GRM7: variants seen among roughly 807,000 people sequenced by gnomAD.
GRM7 encodes glutamate metabotropic receptor 7, also known as metabotropic glutamate receptor 7.
Under a neutral mutation model 84.5 loss-of-function variants are expected in GRM7, and 35 were observed. That is an observed-to-expected ratio of 0.41 (90% CI 0.32 to 0.55). The LOEUF is 0.55. Ranked by LOEUF, GRM7 falls within the 20% of genes least tolerant of loss-of-function variation. The pLI is 0.19. For synonymous variants in GRM7, 487 were observed against 455.1 expected (o/e 1.07, Z -0.89); for missense variants, 1,003 against 1,194.6 (o/e 0.84, Z 2.36).
chr3:7,341,685 G>T (rs898455194), intron 4 of GRM7, among the ~76,000 whole-genome samples: 3 of 152,094 alleles, frequency 2.0e-5, no homozygotes, highest in Non-Finnish European at 4.4e-5. Context: ...AGTTACAGAA[G>T]ATACTTATAG....
chr3:7,480,029 C>T (rs1217897655), intron 7 of GRM7, among the ~76,000 whole-genome samples: 1 of 152,104 alleles, frequency 6.6e-6, no homozygotes, highest in Non-Finnish European at 1.5e-5. Context: ...ACTTGTCAGA[C>T]AAAGATGCAG....
At chr3:7,456,135 T>A (rs1156441602) in intron 6 of GRM7, among the ~76,000 whole-genome samples, 1 of 152,024 alleles carries the variant, frequency 6.6e-6, no homozygotes, top group Non-Finnish European at 1.5e-5. Flanking sequence ...GCATCATATT[T>A]CATTTGCTGA....
At chr3:7,455,023 C>T (rs1042515307) in intron 6 of GRM7, among the ~76,000 whole-genome samples, 1 of 152,086 alleles carries the variant, frequency 6.6e-6, no homozygotes, top group Non-Finnish European at 1.5e-5. Context: ...TGGAGACATG[C>T]TGTACCAGAA....
chr3:7,369,256 G>A (rs1406359447), intron 4 of GRM7, among the ~76,000 whole-genome samples: 2 of 152,012 alleles, frequency 1.3e-5, no homozygotes, highest in Non-Finnish European at 2.9e-5. Flanking sequence ...ATCTCATTAT[G>A]TTTTCCAAGC....
chr3:7,333,447 C>T (rs1262716524), intron 4 of GRM7, among the ~76,000 whole-genome samples: 1 of 152,212 alleles, frequency 6.6e-6, no homozygotes, highest in Non-Finnish European at 1.5e-5. Flanking sequence ...GAAAGCACCA[C>T]ATCGAGGGAT....
chr3:7,644,579 T>C lies in GRM7; in HGVS notation c.2452-35470T>C, dbSNP rs370477630. Reference sequence around the variant, plus strand: ...AAAAATGTTATTCCTCAATCTTTATTCCTCACCATGCTGAAGACTGTAACA... The same window carrying C: ...AAAAATGTTATTCCTCAATCTTTATCCCTCACCATGCTGAAGACTGTAACA... On this transcript the variant is annotated intron_variant, in intron 8 of 9. Transcript: ENST00000357716. Among the ~76,000 whole-genome samples, 19 of 152,340 alleles carry C rather than the reference T, an allele frequency of 1.2e-4. 1 individual carries two copies. The East Asian group carries it at 3.5e-3, about 28-fold the overall frequency.
chr3:7,013,538 CAT>C (rs1407132091), intron 1 of GRM7, among the ~76,000 whole-genome samples: 1 of 152,198 alleles, frequency 6.6e-6, no homozygotes, highest in African/African-American at 2.4e-5. Context: ...TCAACGTTCA[CAT>C]ATTCTTAATG....
chr3:6,943,159 ATCT>A (rs1363452285), intron 1 of GRM7, among the ~76,000 whole-genome samples: 60 of 151,900 alleles, frequency 3.9e-4, no homozygotes, highest in Admixed American at 6.6e-4. Context: ...CTGGCAGCAT[ATCT>A]TTTTGTTTTC....
intron 1 of GRM7, among the ~76,000 whole-genome samples, chr3:7,136,606 G>T (rs981241025): frequency 7.9e-5 from 12 of 152,060 alleles, no homozygotes; most frequent in Admixed American, 3.3e-4. Context: ...GCCCATCAGA[G>T]ACCTACCCAG....
chr3:7,082,998 A>C (rs1698321256), intron 1 of GRM7, among the ~76,000 whole-genome samples: 1 of 152,226 alleles, frequency 6.6e-6, no homozygotes, highest in African/African-American at 2.4e-5. Flanking sequence ...TGCTACGAAC[A>C]TTGTTGAAAT....
intron 4 of GRM7, among the ~76,000 whole-genome samples, chr3:7,406,255 C>T (rs971803775): frequency 6.6e-6 from 1 of 151,978 alleles, no homozygotes; most frequent in African/African-American, 2.4e-5. Flanking sequence ...AATCCCAGCA[C>T]TTTGGGAGGC....
At chr3:6,960,228 C>T (rs575359916) in intron 1 of GRM7, among the ~76,000 whole-genome samples, 14 of 152,298 alleles carry the variant, frequency 9.2e-5, no homozygotes, top group African/African-American at 3.4e-4. Context: ...GACCTCTTTC[C>T]AGTGTGCCTT....
At chr3:7,047,564 C>G (rs549344525) in intron 1 of GRM7, among the ~76,000 whole-genome samples, 1 of 152,150 alleles carries the variant, frequency 6.6e-6, no homozygotes, top group South Asian at 2.1e-4. Flanking sequence ...CTCTGTAGTT[C>G]CAGCCAGTAC....
chr3:7,711,743 G>A (rs939291929), intron 9 of GRM7, among the ~76,000 whole-genome samples: 1 of 152,156 alleles, frequency 6.6e-6, no homozygotes, highest in East Asian at 1.9e-4. Flanking sequence ...TACACACGCG[G>A]CACCATTGGC....
chr3:7,630,393 G>A lies in GRM7; in HGVS notation c.2452-49656G>A, dbSNP rs570273112. ...ACCTGGCAACAATGTTGTGCAAATG[G>A]ACAAATGACTGTGATTGTCAATTCA... is the stretch of plus-strand genomic sequence containing the variant. On this transcript the variant is annotated intron_variant, in intron 8 of 9. Coordinates refer to ENST00000357716, the MANE Select transcript of GRM7 (RefSeq NM_000844.4). 3.4e-4 allele frequency among the ~76,000 whole-genome samples: 51 copies of A among 152,172 alleles called. 1 individual carries two copies. Among genetic ancestry groups the A allele is most frequent in the Middle Eastern group, 3.2e-3 (1 of 316 alleles).
rs1697395520 is a variant in GRM7, at chr3:7,443,901, GT to G, written c.1175-8699del. On this transcript the variant is annotated intron_variant, in intron 5 of 9. Coordinates refer to ENST00000357716, the MANE Select transcript of GRM7 (RefSeq NM_000844.4). Reference sequence around the variant, plus strand: ...GTTTTTGTGAAGATTTTTGTTAATTGTTTTTTTACATGCCTACATACGTATG... The same window carrying G: ...GTTTTTGTGAAGATTTTTGTTAATTGTTTTTTACATGCCTACATACGTATG... Among the ~76,000 whole-genome samples, 4 of 152,010 alleles carry G rather than the reference GT, an allele frequency of 2.6e-5. No homozygotes were observed. In the South Asian group the frequency reaches 8.3e-4, roughly 31 times the overall value.
At chr3:7,163,806 T>C (rs982080012) in intron 2 of GRM7, among the ~76,000 whole-genome samples, 1 of 152,242 alleles carries the variant, frequency 6.6e-6, no homozygotes, top group African/African-American at 2.4e-5. Flanking sequence ...TCAAAGAAAG[T>C]ATCTCATTAT....
intron 2 of GRM7, among the ~76,000 whole-genome samples, chr3:7,272,954 T>G (rs1256337341): frequency 6.6e-6 from 1 of 152,078 alleles, no homozygotes. Context: ...TGCTTTTAGA[T>G]TTTTATTTTT....
intron 1 of GRM7, among the ~76,000 whole-genome samples, chr3:6,895,684 C>G (rs1696153482): frequency 6.6e-6 from 1 of 152,080 alleles, no homozygotes; most frequent in African/African-American, 2.4e-5. Context: ...TCCTCCTAAT[C>G]AGATTGATCA....
Sources: gnomAD v4.1 joint callset for allele counts (sites outside exome capture counted in the v4.1 genomes callset) on GRCh38, gnomAD v4.1.1 for gene constraint, MANE v1.5 for transcripts, NCBI Gene and HGNC (gene_info 2026-07-23, HGNC 2026-07-21) for gene names.